The following MTUS1 variants were observed in gnomAD, a reference collection of about 807,000 sequenced individuals.
MTUS1 encodes microtubule associated scaffold protein 1.
MTUS1 carries 109 observed loss-of-function variants against 120.8 expected under a neutral mutation model. The ratio of observed to expected loss-of-function variants is 0.90; its 90% CI spans 0.77 to 1.06. The LOEUF (loss-of-function observed/expected upper bound fraction) is 1.06. Ranked by LOEUF, MTUS1 falls within the 50% of genes least tolerant of loss-of-function variation. The pLI is 0.00. For missense variants in MTUS1, 2,210 were observed against 1,486.3 expected (o/e 1.49, Z -8.01); for synonymous variants, 737 against 550.5 (o/e 1.34, Z -4.74).
chr8:17,761,173 G>T (rs1275258474), intron 1 of MTUS1, among the ~76,000 whole-genome samples: 1 of 152,100 alleles, frequency 6.6e-6, no homozygotes, highest in Non-Finnish European at 1.5e-5. Flanking sequence ...TGTGCTGAAA[G>T]AAATGGTCAA....
intron 13 of MTUS1, among the ~76,000 whole-genome samples, chr8:17,649,451 T>C (rs1193838847): frequency 6.6e-6 from 1 of 152,218 alleles, no homozygotes. Flanking sequence ...TTCATTTCTA[T>C]TCATTTCTAT....
intron 7 of MTUS1, among the ~76,000 whole-genome samples, chr8:17,683,003 T>A (rs1178179655): frequency 1.3e-5 from 2 of 152,168 alleles, no homozygotes; most frequent in African/African-American, 4.8e-5. Context: ...CTGGGCGCAG[T>A]GGCGCATGCC....
At chr8:17,652,655 G>A (rs532466357) in intron 12 of MTUS1, among the ~76,000 whole-genome samples, 2 of 151,986 alleles carry the variant, frequency 1.3e-5, no homozygotes, top group Non-Finnish European at 2.9e-5. Context: ...GGGCAACATG[G>A]TAAAATCCCA....
At chr8:17,786,790 A>C (rs765734684) in intron 1 of MTUS1, among the ~76,000 whole-genome samples, 9 of 152,160 alleles carry the variant, frequency 5.9e-5, no homozygotes, top group African/African-American at 9.7e-5. Context: ...TTAAGAGTTA[A>C]GGTGCTACGT....
At chr8:17,799,525 G>A (rs896659777) in intron 1 of MTUS1, among the ~76,000 whole-genome samples, 2 of 152,056 alleles carry the variant, frequency 1.3e-5, no homozygotes, top group African/African-American at 2.4e-5. Flanking sequence ...AGCAAGCACG[G>A]ATTACTTTTG....
At chr8:17,715,665 T>C in intron 5 of MTUS1, 102 bp downstream of exon 5, 1 of 1,184,570 alleles carries the variant, frequency 8.4e-7, no homozygotes, top group African/African-American at 1.5e-5. Flanking sequence ...TTGTAATCAT[T>C]GTTGACTATA....
chr8:17,730,812 C>G (rs891935592), intron 3 of MTUS1, among the ~76,000 whole-genome samples: 15 of 152,058 alleles, frequency 9.9e-5, no homozygotes, highest in Admixed American at 6.6e-5. Flanking sequence ...GTGCCAGGGG[C>G]TGAAAGAGAC....
intron 6 of MTUS1, among the ~76,000 whole-genome samples, chr8:17,694,062 AT>A (rs1365611619): frequency 6.6e-6 from 1 of 152,156 alleles, no homozygotes; most frequent in Non-Finnish European, 1.5e-5. Flanking sequence ...AAGTGTTCAT[AT>A]TTGGCCACTT....
chr8:17,720,045 G>C (rs543938049), intron 4 of MTUS1, among the ~76,000 whole-genome samples: 1 of 152,122 alleles, frequency 6.6e-6, no homozygotes, highest in Non-Finnish European at 1.5e-5. Context: ...ACATGAGTTA[G>C]TAGGAAAACT....
In MTUS1 at chr8:17,717,769, G is replaced by A. The variant is rs551510611; in HGVS notation, c.2450-1868C>T. 1.7e-4 allele frequency among the ~76,000 whole-genome samples: 26 copies of A among 152,146 alleles called. No homozygotes were observed. The East Asian group carries it at 2.9e-3, about 17-fold the overall frequency. Reference sequence around the variant, plus strand: ...CCTCTCTGTCACATGCAAAATAGGAGGTGGTGTGCTGGAAATCAGCTGTCT... The same window carrying A: ...CCTCTCTGTCACATGCAAAATAGGAAGTGGTGTGCTGGAAATCAGCTGTCT... On this transcript the variant is annotated intron_variant, in intron 4 of 14. Coordinates refer to ENST00000693296, the MANE Select transcript of MTUS1 (RefSeq NM_001363059.2).
At chr8:17,653,676 G>A (rs1313097098) in intron 10 of MTUS1, 178 bp from the exon 11 acceptor site, 2 of 552,208 alleles carry the variant, frequency 3.6e-6, no homozygotes, top group Admixed American at 7.5e-5. Flanking sequence ...TTGAGAGGTG[G>A]TTAGGGTAGA....
intron 6 of MTUS1, chr8:17,703,863 G>T (rs1362156763): frequency 6.6e-6 from 1 of 152,362 alleles, no homozygotes; most frequent in East Asian, 1.9e-4. Flanking sequence ...TTCCTCAGAA[G>T]CATGTAATCT....
intron 3 of MTUS1, among the ~76,000 whole-genome samples, chr8:17,725,459 C>T (rs192632343): frequency 2.0e-5 from 3 of 152,226 alleles, no homozygotes; most frequent in African/African-American, 7.2e-5. Context: ...CGCTTTCTCT[C>T]TGACACCAGG....
At chr8:17,715,407 C>A (rs28386849) in intron 5 of MTUS1, among the ~76,000 whole-genome samples, 1 of 152,136 alleles carries the variant, frequency 6.6e-6, no homozygotes, top group African/African-American at 2.4e-5. Context: ...GACATGAAGA[C>A]ACAAGTACAG....
chr8:17,701,766 G>T (rs984709378), intron 6 of MTUS1, among the ~76,000 whole-genome samples: 8 of 152,080 alleles, frequency 5.3e-5, no homozygotes, highest in Non-Finnish European at 7.3e-5. Flanking sequence ...AGCCAGGATG[G>T]TCTCAATCTC....
chr8:17,687,531 G>T (rs148736699), intron 6 of MTUS1, among the ~76,000 whole-genome samples: 152 of 152,228 alleles, frequency 1.0e-3, no homozygotes, highest in African/African-American at 3.5e-3. Flanking sequence ...TTATACAGAA[G>T]TATAAATTAT....
chr8:17,673,899 G>A (rs1425001394), intron 8 of MTUS1, among the ~76,000 whole-genome samples: 1 of 152,172 alleles, frequency 6.6e-6, no homozygotes, highest in South Asian at 2.1e-4. Context: ...CCTAGAGTTG[G>A]GTGAACACAA....
At chr8:17,730,540 C>T (rs903358038) in intron 3 of MTUS1, among the ~76,000 whole-genome samples, 1 of 149,512 alleles carries the variant, frequency 6.7e-6, no homozygotes, top group African/African-American at 2.5e-5. Context: ...GTACAACCAT[C>T]TTCACAGCAG....
chr8:17,773,246 T>A (rs1462817288), intron 1 of MTUS1, among the ~76,000 whole-genome samples: 1 of 152,170 alleles, frequency 6.6e-6, no homozygotes, highest in Admixed American at 6.6e-5. Context: ...CCGAATTTTT[T>A]AAATATTTTG....
Sources: allele counts gnomAD v4.1 joint callset (sites outside exome capture counted in the v4.1 genomes callset), GRCh38; gene constraint gnomAD v4.1.1; transcripts MANE v1.5; gene names NCBI Gene and HGNC (gene_info 2026-07-23, HGNC 2026-07-21).